PANX1: variants seen among roughly 807,000 people sequenced by gnomAD.
PANX1 encodes pannexin 1.
PANX1 carries 30 observed loss-of-function variants against 38.7 expected under a neutral mutation model. The ratio of observed to expected loss-of-function variants is 0.78; its 90% confidence interval spans 0.58 to 1.05. The LOEUF (loss-of-function observed/expected upper bound fraction) is 1.05. Ranked by LOEUF, PANX1 falls within the 50% of genes least tolerant of loss-of-function variation. The probability of loss-of-function intolerance (pLI) is 0.00; values close to 1 mark genes in which losing one functional copy is unlikely to be tolerated. For missense variants in PANX1, 551 were observed against 517.2 expected, an observed-to-expected ratio of 1.07 and a Z score of -0.63; for synonymous variants, 230 against 212.2, an observed-to-expected ratio of 1.08 and a Z score of -0.73.
intron 2 of PANX1, among the ~76,000 whole-genome samples, chr11:94,173,583 GTTC>G (rs1486136323): frequency 3.3e-5 from 5 of 151,446 alleles, no homozygotes; most frequent in East Asian, 1.9e-4. Flanking sequence ...GTGATCCTCA[GTTC>G]TTCTCCTTTT....
chr11:94,180,250 G>A lies in PANX1; in HGVS notation c.1194G>A (p.Glu398=). The part of the protein sequence containing the change: ...MREEQGNQTA[E]LQGMNIDSET... ...AGGAGCAGGGGAACCAGACGGCAGA[G>A]CTCCAAGGTAGGGTTTGCTTTTGGC... The change falls in exon 4 of 5, where the codon GAG becomes GAA. Residue 398 remains glutamate, a synonymous_variant. Transcript: ENST00000227638. The A allele has an allele frequency of 1.9e-6, 3 of 1,600,364 alleles. No individual in the cohort carries two copies. The highest frequency in any genetic ancestry group is 2.6e-6 in the Non-Finnish European group (3 of 1,170,544).
At chr11:94,152,799 A>G (rs1044366210) in intron 1 of PANX1, among the ~76,000 whole-genome samples, 7 of 152,230 alleles carry the variant, frequency 4.6e-5, no homozygotes, top group Admixed American at 3.9e-4. Flanking sequence ...ACCAAGTCCC[A>G]GAGTCCCTTC....
At position 94,180,183 on chromosome 11, in the gene PANX1, ATGT is replaced by A. The variant is rs776450721; in HGVS notation, c.1133_1135del (p.Val378del). The A allele has an allele frequency of 6.2e-7, 1 of 1,613,832 alleles. No individual in the cohort carries two copies. Among genetic ancestry groups the A allele is most frequent in the East Asian group, 2.2e-5 (1 of 44,854 alleles). On this transcript the variant is annotated inframe_deletion, in exon 4 of 5. Transcript: ENST00000227638. ...ACAAACCTTGGCATGATCAAGATGG[ATGT>A]TGTTGATGGCAAAACTCCCATGTCT...
intron 1 of PANX1, among the ~76,000 whole-genome samples, chr11:94,132,998 C>T (rs1358140316): frequency 6.6e-6 from 1 of 152,196 alleles, no homozygotes; most frequent in East Asian, 1.9e-4. Flanking sequence ...ATATTAAAGG[C>T]TTCCGTTTGG....
At chr11:94,148,600 C>T (rs1301340529) in intron 1 of PANX1, among the ~76,000 whole-genome samples, 1 of 152,054 alleles carries the variant, frequency 6.6e-6, no homozygotes, top group Non-Finnish European at 1.5e-5. Flanking sequence ...CTTTTGGCAA[C>T]CTTAAAATAT....
At chr11:94,149,898 C>T (rs531171742) in intron 1 of PANX1, among the ~76,000 whole-genome samples, 6 of 152,298 alleles carry the variant, frequency 3.9e-5, no homozygotes, top group African/African-American at 1.4e-4. Context: ...GGTACACAAT[C>T]GTGCATGAAG....
At chr11:94,162,214 C>T (rs1462199943) in intron 2 of PANX1, among the ~76,000 whole-genome samples, 5 of 152,276 alleles carry the variant, frequency 3.3e-5, no homozygotes, top group East Asian at 1.9e-4. Context: ...CCTCCAGCTG[C>T]GTACTGGGAG....
chr11:94,180,029 T>C lies in PANX1; in HGVS notation c.973T>C (p.Tyr325His). ...TGTTCTGCATTTCAAATCTGAAGGG[T>C]ACAACGATTTGAGCCTCTACAATCT... ...FDVLHFKSEG[Y>H]NDLSLYNLFL... The change falls in exon 4 of 5, where the codon TAC becomes CAC. Residue 325 changes from tyrosine (Y) to histidine (H), a missense_variant. By Grantham distance (83) the Tyr-to-His change is moderately conservative. Coordinates refer to ENST00000227638, the MANE Select transcript of PANX1 (RefSeq NM_015368.4). The C allele has an allele frequency of 6.2e-7, 1 of 1,606,354 alleles. No individual in the cohort carries two copies. Among genetic ancestry groups the C allele is most frequent in the Non-Finnish European group, 8.5e-7 (1 of 1,174,702 alleles).
At chr11:94,171,547 A>C (rs1947167197) in intron 2 of PANX1, among the ~76,000 whole-genome samples, 1 of 151,566 alleles carries the variant, frequency 6.6e-6, no homozygotes, top group Non-Finnish European at 1.5e-5. Flanking sequence ...CCTGTTCAGA[A>C]CCAGACTTGG....
rs566353370 is a variant in PANX1, at chr11:94,165,172, A to G, written c.321+11542A>G. On this transcript the variant is annotated intron_variant, in intron 2 of 4. Coordinates refer to ENST00000227638, the MANE Select transcript of PANX1 (RefSeq NM_015368.4). ...GAAGAATTTAGTTCATTTACATTCA[A>G]TGTGATTATTGATAGGTAAGGACTT... Among the ~76,000 whole-genome samples the G allele has an allele frequency of 1.6e-4, 24 of 152,184 alleles. No individual in the cohort carries two copies. The South Asian group carries it at 3.1e-3, about 20-fold the overall frequency.
rs73554844 is a variant in PANX1 at position 94,130,618 on chromosome 11, G to A, written c.181+1125G>A. 4.1e-3 allele frequency among the ~76,000 whole-genome samples: 625 copies of A among 152,352 alleles called. 4 individuals are homozygous for A. Among genetic ancestry groups the A allele is most frequent in the African/African-American group, 0.014 (596 of 41,574 alleles). ...GGGGCCTGGAGGGCTGGGTGCCAGAGAGCAAGGCATCGGCTGAGGTCTTGT... is the reference window on the plus strand; with the variant it reads ...GGGGCCTGGAGGGCTGGGTGCCAGAAAGCAAGGCATCGGCTGAGGTCTTGT... On this transcript the variant is annotated intron_variant, in intron 1 of 4. Coordinates refer to ENST00000227638, the MANE Select transcript of PANX1 (RefSeq NM_015368.4).
chr11:94,162,003 G>A (rs1382105379), intron 2 of PANX1, among the ~76,000 whole-genome samples: 1 of 152,164 alleles, frequency 6.6e-6, no homozygotes. Flanking sequence ...CTGTTTGCCT[G>A]GGTATCAGCA....
At chr11:94,159,334 C>T (rs1038334701) in intron 2 of PANX1, among the ~76,000 whole-genome samples, 12 of 152,136 alleles carry the variant, frequency 7.9e-5, no homozygotes, top group African/African-American at 2.9e-4. Context: ...ATGGTAACAG[C>T]TCCTCCTTGT....
intron 1 of PANX1, among the ~76,000 whole-genome samples, chr11:94,152,004 C>T (rs919867320): frequency 6.6e-6 from 1 of 151,928 alleles, no homozygotes; most frequent in Non-Finnish European, 1.5e-5. Flanking sequence ...CTCTCTTGTA[C>T]CATAAGCATA....
In PANX1 at chr11:94,179,803, A is replaced by G; in HGVS notation, c.747A>G (p.Lys249=). The part of the protein sequence containing the change: ...SLSDEFVCSI[K]SGILRNDSTV... ...CAGACGAGTTTGTGTGCAGCATCAA[A>G]TCAGGGATCCTGAGAAACGACAGCA... is the stretch of plus-strand genomic sequence containing the variant. The change falls in exon 4 of 5, where the codon AAA becomes AAG. Residue 249 remains lysine, a synonymous_variant. Coordinates refer to ENST00000227638, the MANE Select transcript of PANX1 (RefSeq NM_015368.4). The G allele has an allele frequency of 6.2e-7, 1 of 1,614,152 alleles. No individual in the cohort carries two copies. The highest frequency in any genetic ancestry group is 8.5e-7 in the Non-Finnish European group (1 of 1,180,020).
chr11:94,170,065 A>G (rs920940929), intron 2 of PANX1, among the ~76,000 whole-genome samples: 13 of 151,798 alleles, frequency 8.6e-5, no homozygotes, highest in Non-Finnish European at 1.8e-4. Flanking sequence ...TAAAATATAC[A>G]TAACATAAAA....
At chr11:94,130,916 G>A (rs1231851519) in intron 1 of PANX1, among the ~76,000 whole-genome samples, 2 of 152,226 alleles carry the variant, frequency 1.3e-5, no homozygotes, top group Non-Finnish European at 2.9e-5. Context: ...GCAGGAAGTT[G>A]CCAAATTCAT....
intron 1 of PANX1, among the ~76,000 whole-genome samples, chr11:94,153,241 G>A (rs1946905451): frequency 6.6e-6 from 1 of 151,952 alleles, no homozygotes; most frequent in Non-Finnish European, 1.5e-5. Flanking sequence ...TCTTTGTATG[G>A]TAGTTCTACT....
At chr11:94,130,596 G>A (rs969260948) in intron 1 of PANX1, among the ~76,000 whole-genome samples, 27 of 140,908 alleles carry the variant, frequency 1.9e-4, no homozygotes, top group African/African-American at 7.2e-4. Context: ...AGAGGATGGG[G>A]CCTGGAGGGC....
Sources: gnomAD v4.1 joint callset for allele counts (sites outside exome capture counted in the v4.1 genomes callset) on GRCh38, gnomAD v4.1.1 for gene constraint, MANE v1.5 for transcripts, NCBI Gene and HGNC (gene_info 2026-07-23, HGNC 2026-07-21) for gene names.